Variants in PDXDC1 observed in about 807,000 individuals in gnomAD.
PDXDC1 encodes pyridoxal-dependent decarboxylase domain-containing protein 1.
In PDXDC1, 42 loss-of-function variants were observed where a neutral mutation model predicts 100.1. The observed-to-expected ratio is 0.42, with a 90% CI of 0.33 to 0.54. PDXDC1 has a LOEUF of 0.54. Ranked by LOEUF, PDXDC1 falls within the 20% of genes least tolerant of loss-of-function variation. The pLI is 0.10. For synonymous variants in PDXDC1, 260 were observed against 371.7 expected (o/e 0.70, Z 3.46); for missense variants, 636 against 979.2 (o/e 0.65, Z 4.68).
chr16:14,984,125 T>G (rs1409448076), intron 1 of PDXDC1, among the ~76,000 whole-genome samples: 1 of 152,148 alleles, frequency 6.6e-6, no homozygotes. Context: ...ATAGTGCCGC[T>G]GCACTTGGCC....
chr16:15,143,497 C>G (rs1387880879), downstream of PDXDC1, among the ~76,000 whole-genome samples: 1 of 152,188 alleles, frequency 6.6e-6, no homozygotes, highest in Non-Finnish European at 1.5e-5. Context: ...GTCGGGCCCC[C>G]TCGCCCTGGA....
chr16:15,094,184 G>C (rs142932327), intron 16 of PDXDC1: 14 of 1,601,958 alleles, frequency 8.7e-6, no homozygotes, highest in Non-Finnish European at 1.1e-5. Context: ...TGCAGAGGAC[G>C]AAGCGGCCGC....
chr16:15,145,137 G>T, the PDXDC1 span, among the ~76,000 whole-genome samples: 1 of 152,214 alleles, frequency 6.6e-6, no homozygotes, highest in East Asian at 1.9e-4. Flanking sequence ...AGCCAGCAGG[G>T]TCCAGAGTGT....
At chr16:15,110,710 A>G (rs753474389) in intron 16 of PDXDC1, 3 of 1,587,852 alleles carry the variant, frequency 1.9e-6, no homozygotes, top group East Asian at 4.5e-5. Context: ...GGGGACTCCA[A>G]CAGAACCATA....
intron 16 of PDXDC1, among the ~76,000 whole-genome samples, chr16:15,090,026 T>C (rs1598008890): frequency 2.0e-5 from 3 of 151,906 alleles, no homozygotes; most frequent in Admixed American, 6.6e-5. Context: ...CTGGCCAACA[T>C]GGTGAAACCC....
chr16:15,136,084 A>G (rs2151928538), intron 16 of PDXDC1: 6 of 1,581,120 alleles, frequency 3.8e-6, no homozygotes, highest in Non-Finnish European at 5.1e-6. Context: ...CGCTGGGCCC[A>G]CCTCCACCCG....
intron 16 of PDXDC1, among the ~76,000 whole-genome samples, chr16:15,059,218 A>T (rs544619000): frequency 6.6e-6 from 1 of 152,182 alleles, no homozygotes; most frequent in Non-Finnish European, 1.5e-5. Flanking sequence ...TTAGTTTCTC[A>T]GCACTCCAAG....
chr16:15,093,140 G>C (rs2151830728), intron 16 of PDXDC1, among the ~76,000 whole-genome samples: 1 of 152,174 alleles, frequency 6.6e-6, no homozygotes, highest in South Asian at 2.1e-4. Flanking sequence ...GAGTAGCTGG[G>C]ATTACAGGCA....
At chr16:15,048,163 G>A in intron 16 of PDXDC1, 1 of 1,214,288 alleles carries the variant, frequency 8.2e-7, no homozygotes, top group Non-Finnish European at 1.2e-6. Flanking sequence ...AACTAAAGAT[G>A]TGGAGAGAGC....
At chr16:15,143,636 G>A (rs1006312439), downstream of PDXDC1, among the ~76,000 whole-genome samples, 1 of 152,234 alleles carries the variant, frequency 6.6e-6, no homozygotes, top group African/African-American at 2.4e-5. Flanking sequence ...CTTGTGGCTG[G>A]GCCTTCTGCC....
At position 14,975,080 on chromosome 16, in the gene PDXDC1, C is replaced by G; in HGVS notation, c.-120C>G. 6.8e-7 allele frequency: 1 copy of G among 1,477,570 alleles called. No individual in the cohort carries two copies. The highest frequency in any genetic ancestry group is 8.9e-7 in the Non-Finnish European group (1 of 1,125,412). The allele number at this position is 1,477,570 out of a possible 1,614,324, so 91.5% of individuals were successfully genotyped here. On this transcript the variant is annotated 5_prime_UTR_variant, in exon 1 of 23. Coordinates refer to ENST00000396410, the MANE Select transcript of PDXDC1 (RefSeq NM_015027.4). ...GCGCCGCCTGGCAGCTCCTCCTCTTCTCCGCCCCGCCGGCCGCGGGCGCGG... is the reference window on the plus strand; with the variant it reads ...GCGCCGCCTGGCAGCTCCTCCTCTTGTCCGCCCCGCCGGCCGCGGGCGCGG...
intron 16 of PDXDC1, among the ~76,000 whole-genome samples, chr16:15,048,824 A>G (rs1429618668): frequency 6.6e-6 from 1 of 150,590 alleles, no homozygotes; most frequent in African/African-American, 2.5e-5. Context: ...GGGTCTCCCT[A>G]TGCTCCCCAG....
At chr16:15,147,175 A>G in the PDXDC1 span, among the ~76,000 whole-genome samples, 1 of 143,984 alleles carries the variant, frequency 6.9e-6, no homozygotes, top group African/African-American at 2.6e-5. Flanking sequence ...GAGAGGTGGG[A>G]GGGGCTGGCA....
intron 16 of PDXDC1, among the ~76,000 whole-genome samples, chr16:15,112,300 C>G (rs1340966240): frequency 6.8e-6 from 1 of 147,166 alleles, no homozygotes; most frequent in Non-Finnish European, 1.5e-5. Context: ...CTCACGGCAA[C>G]CTCCACCTCC....
chr16:15,125,548 C>A, intron 16 of PDXDC1: 3 of 1,584,198 alleles, frequency 1.9e-6, no homozygotes. Flanking sequence ...TAGGGGAACC[C>A]ACCTCTTAGA....
chr16:15,070,884 C>CT (rs35887858), intron 16 of PDXDC1, among the ~76,000 whole-genome samples: 1 of 152,268 alleles, frequency 6.6e-6, no homozygotes, highest in South Asian at 2.1e-4. Flanking sequence ...ACAAATGGAT[C>CT]TTTAAGTGCA....
chr16:15,150,462 C>T, the PDXDC1 span, among the ~76,000 whole-genome samples: 2 of 151,492 alleles, frequency 1.3e-5, no homozygotes, highest in Non-Finnish European at 3.0e-5. Flanking sequence ...GCCAAGAGTT[C>T]AAGACCAGCC....
At chr16:15,018,600 C>T in intron 11 of PDXDC1, among the ~76,000 whole-genome samples, 1 of 152,262 alleles carries the variant, frequency 6.6e-6, no homozygotes, top group African/African-American at 2.4e-5. Context: ...CTGGGTTTTC[C>T]ACTGGCTTTT....
chr16:14,996,768 G>A (rs566534421), intron 1 of PDXDC1, among the ~76,000 whole-genome samples: 1 of 152,392 alleles, frequency 6.6e-6, no homozygotes, highest in South Asian at 2.1e-4. Context: ...GAGGTGGGAG[G>A]ATCACTTGAT....
Sources: allele counts gnomAD v4.1 joint callset (sites outside exome capture counted in the v4.1 genomes callset), GRCh38; gene constraint gnomAD v4.1.1; transcripts MANE v1.5; gene names NCBI Gene and HGNC (gene_info 2026-07-23, HGNC 2026-07-21).